The following PCTP variants were observed in gnomAD, a reference collection of about 807,000 sequenced individuals.
PCTP encodes START domain-containing protein 2.
PCTP carries 27 observed loss-of-function variants against 31.0 expected under a neutral mutation model. That is an observed-to-expected ratio of 0.87 (90% CI 0.64 to 1.20). The LOEUF is 1.20. Among genes scored for constraint, PCTP ranks in the 50% most tolerant of loss-of-function variants. The pLI is 0.00. For synonymous variants in PCTP, 108 were observed against 101.2 expected (o/e 1.07, Z -0.40); for missense variants, 287 against 268.2 (o/e 1.07, Z -0.49).
At chr17:55,820,830 C>T (rs1913090989) in intron 3 of PCTP, among the ~76,000 whole-genome samples, 1 of 152,064 alleles carries the variant, frequency 6.6e-6, no homozygotes. Context: ...CAGTGAGATG[C>T]CACTTCACAC....
intron 3 of PCTP, among the ~76,000 whole-genome samples, chr17:55,792,184 A>G (rs1912014767): frequency 6.8e-6 from 1 of 147,670 alleles, no homozygotes; most frequent in Admixed American, 6.7e-5. Flanking sequence ...GAGGGTTAGC[A>G]TTGGGAGATA....
chr17:55,831,839 T>C (rs1337939359), intron 5 of PCTP, among the ~76,000 whole-genome samples: 1 of 152,114 alleles, frequency 6.6e-6, no homozygotes, highest in African/African-American at 2.4e-5. Flanking sequence ...CCCAGCACTT[T>C]GGGAGGCCAA....
chr17:55,780,259 G>A (rs533636928), downstream of PCTP, among the ~76,000 whole-genome samples: 19 of 152,184 alleles, frequency 1.2e-4, no homozygotes, highest in Non-Finnish European at 2.1e-4. Flanking sequence ...CATAATAGAT[G>A]CTGCATTTCA....
In PCTP at chr17:55,776,776, A is replaced by C; in HGVS notation, c.*676A>C. 1 of 1,120,454 alleles carries C rather than the reference A, an allele frequency of 8.9e-7. No homozygotes were observed. The highest frequency in any genetic ancestry group is 1.1e-6 in the Non-Finnish European group (1 of 917,638). 69.4% of individuals were successfully genotyped at this position (1,120,454 alleles called of 1,614,324 possible). A position where few individuals can be genotyped will look rare whatever the true frequency, so the allele number is the denominator to read the frequency against. ...GTATCAGAGGCCTGACCGGACACAT[A>C]ATATGACAACCACATTTTTCCTCAT... On this transcript the variant is annotated 3_prime_UTR_variant, in exon 6 of 6. Coordinates refer to ENST00000268896, the MANE Select transcript of PCTP (RefSeq NM_021213.4).
At chr17:55,822,920 G>GATACCT in exon 4 of PCTP, 1 of 763,540 alleles carries the variant, frequency 1.3e-6, no homozygotes, top group Non-Finnish European at 1.8e-6. Context: ...ACACTGAAAT[G>GATACCT]GGTGCAGGTA....
chr17:55,769,645 G>A (rs1910870353), intron 2 of PCTP: 2 of 152,176 alleles, frequency 1.3e-5, no homozygotes, highest in African/African-American at 4.8e-5. Flanking sequence ...ACAATCTTGA[G>A]GTTGGAAATC....
intron 1 of PCTP, among the ~76,000 whole-genome samples, chr17:55,753,179 T>C (rs1909804532): frequency 6.6e-6 from 1 of 152,228 alleles, no homozygotes; most frequent in South Asian, 2.1e-4. Context: ...CCATTTTCTT[T>C]CCTTTATCTT....
the PCTP span, among the ~76,000 whole-genome samples, chr17:55,852,058 C>T: frequency 2.0e-5 from 3 of 152,098 alleles, no homozygotes; most frequent in Non-Finnish European, 2.9e-5. Flanking sequence ...TATTGTTTTG[C>T]AATTTATTTT....
In PCTP at chr17:55,773,860, T is replaced by C. The variant is rs914911910; in HGVS notation, c.476T>C (p.Leu159Pro). ...VIRVKQYKQS[L>P]AIESDGKKGS... is the part of the protein sequence containing the mutation. ...CGGGTGAAGCAATACAAGCAGAGCC[T>C]GGCGATCGAGAGTGACGGCAAGAAG... is the stretch of plus-strand genomic sequence containing the variant. The change falls in exon 4 of 6, where the codon CTG (leucine) becomes CCG (proline). Residue 159 changes from leucine (L) to proline (P), a missense_variant. Leu to Pro is a moderately conservative substitution (Grantham distance 98, BLOSUM62 -3). Coordinates refer to ENST00000268896, the MANE Select transcript of PCTP (RefSeq NM_021213.4). 16 of 1,611,808 alleles carry C rather than the reference T, an allele frequency of 9.9e-6. No individual in the cohort carries two copies. Among genetic ancestry groups the C allele is most frequent in the Non-Finnish European group, 1.3e-5 (15 of 1,178,770 alleles).
intron 3 of PCTP, 149 bp from the exon 4 acceptor site, chr17:55,773,575 G>A: frequency 1.5e-6 from 1 of 664,098 alleles, no homozygotes; most frequent in Non-Finnish European, 2.6e-6. Flanking sequence ...CAGGTATGGA[G>A]ACAGGGCACG....
At chr17:55,771,856 G>A (rs540150826) in intron 3 of PCTP, among the ~76,000 whole-genome samples, 1 of 152,250 alleles carries the variant, frequency 6.6e-6, no homozygotes, top group African/African-American at 2.4e-5. Flanking sequence ...GATGGAAGTA[G>A]GATGACTCCT....
At chr17:55,844,611 A>AT (rs2145098106), downstream of PCTP, among the ~76,000 whole-genome samples, 1 of 152,226 alleles carries the variant, frequency 6.6e-6, no homozygotes, top group Non-Finnish European at 1.5e-5. Flanking sequence ...GACAGGCAGA[A>AT]TTATCATTTA....
chr17:55,837,086 T>C (rs1905801692), intron 5 of PCTP, among the ~76,000 whole-genome samples: 1 of 152,070 alleles, frequency 6.6e-6, no homozygotes, highest in South Asian at 2.1e-4. Context: ...AGGAAGCAGT[T>C]TGGCATATCT....
intron 5 of PCTP, among the ~76,000 whole-genome samples, chr17:55,836,807 A>T (rs1905791480): frequency 6.6e-6 from 1 of 152,224 alleles, no homozygotes. Flanking sequence ...ATAAATACAT[A>T]GACCTTGTTC....
chr17:55,758,551 G>A (rs536695275), intron 1 of PCTP, among the ~76,000 whole-genome samples: 15 of 152,250 alleles, frequency 9.9e-5, no homozygotes, highest in African/African-American at 3.4e-4. Context: ...AAACTGTTCT[G>A]CTCCTTTCTG....
chr17:55,834,325 A>T (rs572238906), intron 5 of PCTP, among the ~76,000 whole-genome samples: 1 of 151,942 alleles, frequency 6.6e-6, no homozygotes, highest in Non-Finnish European at 1.5e-5. Context: ...AGCATGCATT[A>T]CCTACTTTTC....
chr17:55,821,307 G>A (rs1913107754), intron 3 of PCTP, among the ~76,000 whole-genome samples: 3 of 152,146 alleles, frequency 2.0e-5, no homozygotes, highest in Non-Finnish European at 4.4e-5. Flanking sequence ...TTTCATGTAC[G>A]TGAAATGTTC....
At chr17:55,795,451 C>T (rs1912154592) in intron 3 of PCTP, among the ~76,000 whole-genome samples, 1 of 152,022 alleles carries the variant, frequency 6.6e-6, no homozygotes, top group African/African-American at 2.4e-5. Context: ...CCCAGAGAAC[C>T]ATCGTCTGCC....
chr17:55,810,240 C>T (rs1417461706), intron 3 of PCTP, among the ~76,000 whole-genome samples: 3 of 152,228 alleles, frequency 2.0e-5, no homozygotes, highest in Non-Finnish European at 4.4e-5. Context: ...TGGTCGCAAA[C>T]TCCTGGCCTC....
Sources: allele counts gnomAD v4.1 joint callset (sites outside exome capture counted in the v4.1 genomes callset), GRCh38; gene constraint gnomAD v4.1.1; transcripts MANE v1.5; gene names NCBI Gene and HGNC (gene_info 2026-07-23, HGNC 2026-07-21).